CCDC198: variants seen among roughly 807,000 people sequenced by gnomAD.
CCDC198 encodes the protein coiled-coil domain containing 198.
In CCDC198, 18 loss-of-function variants were observed where a neutral mutation model predicts 35.6. The observed-to-expected ratio is 0.51, with a 90% CI of 0.35 to 0.75. The LOEUF (loss-of-function observed/expected upper bound fraction) is 0.75, where lower values mean the gene tolerates loss of function less well. Among genes scored for constraint, CCDC198 ranks in the 30% least tolerant of loss-of-function variants. The probability of loss-of-function intolerance (pLI) is 0.01; values close to 1 mark genes in which losing one functional copy is unlikely to be tolerated. For synonymous variants in CCDC198, 119 were observed against 113.4 expected (o/e 1.05, Z -0.31); for missense variants, 365 against 343.7 (o/e 1.06, Z -0.49).
chr14:57,471,928 C>G (rs943166388), intron 5 of CCDC198, among the ~76,000 whole-genome samples: 1 of 151,774 alleles, frequency 6.6e-6, no homozygotes, highest in Admixed American at 6.6e-5. Context: ...TACTTTTCAG[C>G]TGAACCATTT....
chr14:57,471,488 T>C lies in CCDC198; in HGVS notation c.758A>G (p.Gln253Arg). ...GGAACTGTCCCAGAGAAGCTGTCCC[T>C]GGGCCTCTTGTTCATGAAGCCATGT... ...METWLHEQEA[Q>R]GQLLWDSSSS... The change falls in exon 6 of 6, where the codon CAG (glutamine) becomes CGG (arginine). Residue 253 changes from glutamine to arginine, a missense_variant. By Grantham distance (43) the Gln-to-Arg change is conservative. Transcript: ENST00000216445. The C allele has an allele frequency of 1.9e-6, 3 of 1,614,066 alleles. No individual in the cohort carries two copies. Among genetic ancestry groups the C allele is most frequent in the Non-Finnish European group, 2.5e-6 (3 of 1,179,988 alleles).
chr14:57,483,566 G>C (rs982964585), intron 2 of CCDC198, among the ~76,000 whole-genome samples: 5 of 152,194 alleles, frequency 3.3e-5, no homozygotes, highest in Non-Finnish European at 5.9e-5. Context: ...GAAGCAATCT[G>C]TTTTTAAGAT....
intron 5 of CCDC198, among the ~76,000 whole-genome samples, chr14:57,473,665 T>C (rs568254306): frequency 6.6e-6 from 1 of 152,336 alleles, no homozygotes; most frequent in East Asian, 1.9e-4. Context: ...TCTTCCTTCA[T>C]CCTTTTACTT....
chr14:57,484,091 A>T (rs1190081), intron 2 of CCDC198, among the ~76,000 whole-genome samples: 24,921 of 152,108 alleles, frequency 0.16, 2,713 homozygotes, highest in South Asian at 0.38. Flanking sequence ...TAACTGAAGG[A>T]CTCCACCTGA....
intron 2 of CCDC198, among the ~76,000 whole-genome samples, chr14:57,489,162 G>A (rs560010483): frequency 6.6e-6 from 1 of 152,282 alleles, no homozygotes; most frequent in South Asian, 2.1e-4. Flanking sequence ...AGAAAATGTA[G>A]TACATATACA....
chr14:57,481,491 T>C (rs970476842), intron 4 of CCDC198, 68 bp downstream of exon 4: 52 of 1,085,656 alleles, frequency 4.8e-5, no homozygotes, highest in Admixed American at 1.1e-4. Context: ...ATGCTTGATA[T>C]ATTCATGTGG....
chr14:57,477,736 C>T (rs1382675517), intron 5 of CCDC198, among the ~76,000 whole-genome samples: 7 of 152,078 alleles, frequency 4.6e-5, no homozygotes, highest in Admixed American at 3.3e-4. Context: ...CTTGCTGTGT[C>T]GCCCAGGTTG....
At chr14:57,490,633 T>C (rs2067531047) in intron 2 of CCDC198, among the ~76,000 whole-genome samples, 2 of 152,140 alleles carry the variant, frequency 1.3e-5, no homozygotes, top group African/African-American at 4.8e-5. Context: ...AATTGCCTAG[T>C]ATAGTATCTG....
intron 2 of CCDC198, among the ~76,000 whole-genome samples, chr14:57,487,555 T>C (rs897094749): frequency 6.6e-6 from 1 of 152,102 alleles, no homozygotes; most frequent in African/African-American, 2.4e-5. Context: ...ACAGTGCTAA[T>C]CAACTCCTCA....
chr14:57,487,920 G>A (rs951236500), intron 2 of CCDC198, among the ~76,000 whole-genome samples: 1 of 152,124 alleles, frequency 6.6e-6, no homozygotes, highest in African/African-American at 2.4e-5. Flanking sequence ...AGTTTCTAGT[G>A]ATTTCCCTCC....
intron 2 of CCDC198, among the ~76,000 whole-genome samples, chr14:57,485,161 T>C (rs1037686887): frequency 1.3e-5 from 2 of 152,098 alleles, no homozygotes; most frequent in Non-Finnish European, 2.9e-5. Context: ...CCAGTGTAGA[T>C]GTTGAGTTAT....
rs2066790633 is a variant in CCDC198 at position 57,470,167 on chromosome 14, C to T, written c.*1188G>A. On this transcript the variant is annotated 3_prime_UTR_variant, in exon 6 of 6. Coordinates refer to ENST00000216445, the MANE Select transcript of CCDC198 (RefSeq NM_018168.4). ...TTGAACTTTAATTCACAACGATCTT[C>T]TACACGTGACATTATCTCACGTGTA... 6.6e-6 allele frequency: 1 copy of T among 152,198 alleles called. No individual in the cohort carries two copies. The highest frequency in any genetic ancestry group is 6.5e-5 in the Admixed American group (1 of 15,282). The allele number at this position is 152,198 out of a possible 1,614,324, so 9.4% of individuals were successfully genotyped here.
At chr14:57,478,273 G>C (rs1186030750) in intron 5 of CCDC198, among the ~76,000 whole-genome samples, 1 of 152,178 alleles carries the variant, frequency 6.6e-6, no homozygotes, top group Non-Finnish European at 1.5e-5. Context: ...CCTTGACAGA[G>C]TTCCAAGTCC....
Position 57,483,153 on chromosome 14 carries a change from T to C in CCDC198, c.307-2A>G. ...TGGCAAGTCAATGGGTTCAAGCTTC[T>C]AGAAGTTCAACGTTTAGAGCAGTCA... On this transcript the variant is annotated splice_acceptor_variant, in intron 2 of 5. Transcript: ENST00000216445. LOFTEE classifies it high-confidence loss of function. 1.2e-6 allele frequency: 2 copies of C among 1,614,060 alleles called. No individual in the cohort carries two copies. Among genetic ancestry groups the C allele is most frequent in the Non-Finnish European group, 1.7e-6 (2 of 1,179,952 alleles).
chr14:57,471,634 A>C (rs750184165), intron 5 of CCDC198, 44 bp from the exon 6 acceptor site: 2 of 1,166,310 alleles, frequency 1.7e-6, no homozygotes, highest in Non-Finnish European at 2.4e-6. Context: ...CTTAGCAATG[A>C]TTTATTTGTT....
chr14:57,479,443 T>G (rs2067111357), intron 5 of CCDC198, among the ~76,000 whole-genome samples: 1 of 152,186 alleles, frequency 6.6e-6, no homozygotes, highest in Non-Finnish European at 1.5e-5. Context: ...CTGCTTGTTT[T>G]TCTAAGCAGG....
intron 5 of CCDC198, among the ~76,000 whole-genome samples, chr14:57,477,802 A>G (rs948729801): frequency 6.6e-6 from 1 of 152,066 alleles, no homozygotes; most frequent in Non-Finnish European, 1.5e-5. Context: ...GGTTCAAGCG[A>G]TTCTCTTGCC....
rs573536606 is a variant in CCDC198, at chr14:57,475,510, C to G, written c.656-3920G>C. The G allele has an allele frequency of 1.7e-5, 17 of 1,010,550 alleles. No individual in the cohort carries two copies. In the South Asian group the frequency reaches 2.4e-4, roughly 14 times the overall value. The allele number at this position is 1,010,550 out of a possible 1,614,324, so 62.6% of individuals were successfully genotyped here. A position where few individuals can be genotyped will look rare whatever the true frequency, so the allele number is the denominator to read the frequency against. The stretch of plus-strand genomic sequence containing the variant: ...GATCATGAGGTCAGGAGTTCGAGAC[C>G]AGCTTGGCCAACATGGTGAAACCTC... On this transcript the variant is annotated intron_variant, in intron 5 of 5. Coordinates refer to ENST00000216445, the MANE Select transcript of CCDC198 (RefSeq NM_018168.4).
intron 2 of CCDC198, among the ~76,000 whole-genome samples, chr14:57,490,191 C>T (rs1292299046): frequency 1.3e-5 from 2 of 152,106 alleles, no homozygotes; most frequent in East Asian, 3.9e-4. Context: ...CTTCAAATGT[C>T]AGTGATAGAT....
Sources: allele counts gnomAD v4.1 joint callset (sites outside exome capture counted in the v4.1 genomes callset), GRCh38; gene constraint gnomAD v4.1.1; transcripts MANE v1.5; gene names NCBI Gene and HGNC (gene_info 2026-07-23, HGNC 2026-07-21).